Variants in PRRC2C observed in about 807,000 individuals in gnomAD.
The protein encoded by PRRC2C is protein PRRC2C.
Under a neutral mutation model 317.2 loss-of-function variants are expected in PRRC2C, and 72 were observed. The observed-to-expected ratio is 0.23, with a 90% CI of 0.19 to 0.28. The LOEUF (loss-of-function observed/expected upper bound fraction) is 0.28. Among genes scored for constraint, PRRC2C ranks in the 10% least tolerant of loss-of-function variants. The probability of loss-of-function intolerance (pLI) is 1.00; values close to 1 mark genes in which losing one functional copy is unlikely to be tolerated. For synonymous variants in PRRC2C, 1,296 were observed against 1,205.9 expected (o/e 1.07, Z -1.55); for missense variants, 3,074 against 3,459.7 (o/e 0.89, Z 2.80).
At chr1:171,509,475 C>T (rs1670897624) in intron 1 of PRRC2C, 1 of 151,996 alleles carries the variant, frequency 6.6e-6, no homozygotes, top group African/African-American at 2.4e-5. Flanking sequence ...GAAAGATTGA[C>T]CTTAAATGGA....
chr1:171,559,007 C>T (rs1682026803), intron 19 of PRRC2C, among the ~76,000 whole-genome samples: 1 of 152,312 alleles, frequency 6.6e-6, no homozygotes, highest in South Asian at 2.1e-4. Context: ...TCCCTTAACC[C>T]AAAGCCTAAT....
chr1:171,535,724 T>G, intron 13 of PRRC2C, 127 bp downstream of exon 13: 1 of 1,233,834 alleles, frequency 8.1e-7, no homozygotes, highest in Non-Finnish European at 1.1e-6. Context: ...TATTTTTCCT[T>G]GTAAATAAAA....
At chr1:171,538,215 G>T (rs1390955145) in intron 15 of PRRC2C, among the ~76,000 whole-genome samples, 2 of 152,128 alleles carry the variant, frequency 1.3e-5, no homozygotes, top group African/African-American at 2.4e-5. Context: ...GGCTCAAGCA[G>T]TCTGACTGCC....
intron 20 of PRRC2C, among the ~76,000 whole-genome samples, chr1:171,561,968 A>G (rs1442788677): frequency 6.6e-6 from 1 of 152,184 alleles, no homozygotes; most frequent in Admixed American, 6.5e-5. Context: ...CCCTACTGTC[A>G]TGGGACTTCC....
intron 20 of PRRC2C, among the ~76,000 whole-genome samples, chr1:171,562,020 A>G (rs235487): frequency 0.72 from 109,198 of 152,038 alleles, 39,356 homozygotes; most frequent in East Asian, 0.88. Context: ...AAACATCGTG[A>G]TCAGCACTGT....
In PRRC2C at chr1:171,541,996, G is replaced by A; in HGVS notation, c.4530G>A (p.Arg1510=). The stretch of plus-strand genomic sequence containing the variant: ...CTGAAAGCAGTGATTTCAATGAGAG[G>A]CGAGAGAGGGATGAAAAAAAAAATG... The part of the protein sequence containing the change: ...TASESSDFNE[R]RERDEKKNAD... Residue 1510 remains arginine (R), a synonymous_variant, in exon 16 of 35, where the codon AGG becomes AGA. Coordinates refer to ENST00000647382, the MANE Select transcript of PRRC2C (RefSeq NM_001387844.1). The surrounding 1 kb of genome is among the most constrained non-coding windows in gnomAD (Gnocchi z 4.1). 1 of 1,613,820 alleles carries A rather than the reference G, an allele frequency of 6.2e-7. No individual in the cohort carries two copies. Among genetic ancestry groups the A allele is most frequent in the South Asian group, 1.1e-5 (1 of 91,062 alleles).
chr1:171,591,776 A>G lies in PRRC2C; in HGVS notation c.8626A>G (p.Ile2876Val), dbSNP rs1220871979. ...AGAAAAGCCACCCCCTGCACCCTCCATAGCCACCAAACCTGTTAGAACTGG... is the reference window on the plus strand; with the variant it reads ...AGAAAAGCCACCCCCTGCACCCTCCGTAGCCACCAAACCTGTTAGAACTGG... ...VEEKPPPAPS[I>V]ATKPVRTGPI... The change falls in exon 35 of 35, where the codon ATA becomes GTA. Residue 2876 changes from isoleucine to valine, a missense_variant. By Grantham distance (29) the Ile-to-Val change is conservative. Around this residue, in one of 11 missense-constraint regions of PRRC2C, gnomAD observed 78 missense variants for 97.7 expected, o/e 0.80. Coordinates refer to ENST00000647382, the MANE Select transcript of PRRC2C (RefSeq NM_001387844.1). 12 of 1,613,208 alleles carry G rather than the reference A, an allele frequency of 7.4e-6. No individual in the cohort carries two copies. The highest frequency in any genetic ancestry group is 3.4e-4 in the Middle Eastern group (2 of 5,880).
intron 24 of PRRC2C, among the ~76,000 whole-genome samples, chr1:171,573,519 T>C (rs946246846): frequency 1.3e-5 from 2 of 152,074 alleles, no homozygotes. Context: ...CCAAGTGATT[T>C]TGAGAAAAAG....
At position 171,522,265 on chromosome 1, in the gene PRRC2C, GCT is replaced by G. The variant is rs778004188; in HGVS notation, c.833+7_833+8del. 1 of 1,538,868 alleles carries G rather than the reference GCT, an allele frequency of 6.5e-7. No homozygotes were observed. The highest frequency in any genetic ancestry group is 1.1e-5 in the South Asian group (1 of 88,648). On this transcript the variant is annotated splice_region_variant and intron_variant, in intron 7 of 34. Coordinates refer to ENST00000647382, the MANE Select transcript of PRRC2C (RefSeq NM_001387844.1). ...TCTTTATCTGAAACAAACAAGTAAG[GCT>G]ATTAAATGATTAAAGTCTGTAAGGA...
Position 171,557,408 on chromosome 1 carries a change from G to T in PRRC2C, c.5296G>T (p.Ala1766Ser). The change falls in exon 19 of 35, where the codon GCC (alanine) becomes TCC (serine). Residue 1766 changes from alanine (A) to serine (S), a missense_variant. By Grantham distance (99) the Ala-to-Ser change is moderately conservative (BLOSUM62 1). Coordinates refer to ENST00000647382, the MANE Select transcript of PRRC2C (RefSeq NM_001387844.1). ...LPPSTSASVP[A>S]STSAPLPATL... ...ACCTTCAACCTCAGCTTCAGTTCCAGCCTCAACCTCAGCTCCACTTCCGGC... is the reference window on the plus strand; with the variant it reads ...ACCTTCAACCTCAGCTTCAGTTCCATCCTCAACCTCAGCTCCACTTCCGGC... 6.5e-7 allele frequency: 1 copy of T among 1,546,868 alleles called. No individual in the cohort carries two copies. The highest frequency in any genetic ancestry group is 8.7e-7 in the Non-Finnish European group (1 of 1,143,556).
chr1:171,531,633 T>C (rs1193519327), intron 11 of PRRC2C, among the ~76,000 whole-genome samples: 2 of 152,232 alleles, frequency 1.3e-5, no homozygotes, highest in Non-Finnish European at 2.9e-5. Flanking sequence ...TTTATTGTTT[T>C]TGCATAGTTG....
chr1:171,582,681 C>G (rs572896353), intron 28 of PRRC2C, among the ~76,000 whole-genome samples: 2 of 151,964 alleles, frequency 1.3e-5, no homozygotes, highest in South Asian at 2.1e-4. Context: ...AGAAAAGGTA[C>G]AATAAAAATA....
At chr1:171,520,508 T>G (rs1259558104) in intron 6 of PRRC2C, among the ~76,000 whole-genome samples, 1 of 152,212 alleles carries the variant, frequency 6.6e-6, no homozygotes, top group Non-Finnish European at 1.5e-5. Flanking sequence ...CACTACTGTA[T>G]ACTGAGAATT....
chr1:171,494,255 C>T (rs1160126733), intron 1 of PRRC2C, among the ~76,000 whole-genome samples: 1 of 152,166 alleles, frequency 6.6e-6, no homozygotes, highest in Admixed American at 6.5e-5. Flanking sequence ...AGGCTTTATC[C>T]TACTCCGGAA....
At chr1:171,561,343 C>T (rs1470865092) in intron 20 of PRRC2C, among the ~76,000 whole-genome samples, 1 of 152,166 alleles carries the variant, frequency 6.6e-6, no homozygotes, top group Non-Finnish European at 1.5e-5. Flanking sequence ...GTCTCAGCTA[C>T]TCTGGAGCTG....
intron 12 of PRRC2C, among the ~76,000 whole-genome samples, chr1:171,534,366 ATAAG>A (rs1676425855): frequency 1.3e-5 from 2 of 152,216 alleles, no homozygotes; most frequent in Admixed American, 1.3e-4. Flanking sequence ...TCATAGTTTA[ATAAG>A]TTTTATTTGT....
rs754326852 is a variant in PRRC2C at position 171,537,443 on chromosome 1, C to G, written c.2474C>G (p.Pro825Arg). 1.3e-6 allele frequency: 2 copies of G among 1,580,626 alleles called. No homozygotes were observed. Among genetic ancestry groups the G allele is most frequent in the African/African-American group, 1.3e-5 (1 of 74,132 alleles). ...PHAEPQQATT[P>R]KATEEPEDVR... Reference sequence around the variant, plus strand: ...GCTGAGCCTCAACAAGCAACTACTCCCAAAGCAACAGAAGAGCCTGAGGAT... The same window carrying G: ...GCTGAGCCTCAACAAGCAACTACTCGCAAAGCAACAGAAGAGCCTGAGGAT... The change falls in exon 15 of 35, where the codon CCC (proline) becomes CGC (arginine). Residue 825 changes from proline to arginine, a missense_variant. Physicochemically the swap from Pro to Arg is moderately radical, Grantham distance 103. This residue lies in a region of PRRC2C where 1,320 missense variants were observed against 1,395.7 expected (regional missense o/e 0.95). Transcript: ENST00000647382.
chr1:171,581,773 A>G (rs2102839547), intron 28 of PRRC2C, among the ~76,000 whole-genome samples: 1 of 152,332 alleles, frequency 6.6e-6, no homozygotes, highest in African/African-American at 2.4e-5. Flanking sequence ...CTATGATCCT[A>G]GACTAGCATT....
At chr1:171,558,319 A>C (rs1365251689) in intron 19 of PRRC2C, among the ~76,000 whole-genome samples, 176 bp downstream of exon 19, 5 of 152,220 alleles carry the variant, frequency 3.3e-5, no homozygotes, top group South Asian at 2.1e-4. Flanking sequence ...CATGTTTAAC[A>C]AGCATATTAT....
Sources: allele counts gnomAD v4.1 joint callset (sites outside exome capture counted in the v4.1 genomes callset), GRCh38; gene constraint gnomAD v4.1.1; regional missense constraint gnomAD v4.1.1; non-coding constraint Gnocchi (gnomAD v3.1); transcripts MANE v1.5; gene names NCBI Gene and HGNC (gene_info 2026-07-23, HGNC 2026-07-21).